LARP1B: variants seen among roughly 807,000 people sequenced by gnomAD.
LARP1B encodes La ribonucleoprotein 1B.
A neutral mutation model predicts 114.2 loss-of-function variants in LARP1B; 76 were observed. The observed-to-expected ratio is 0.67, with a 90% confidence interval of 0.55 to 0.81. LARP1B has a LOEUF of 0.81. Ranked by LOEUF, LARP1B falls within the 30% of genes least tolerant of loss-of-function variation. The probability of loss-of-function intolerance (pLI) is 0.00; values close to 1 mark genes in which losing one functional copy is unlikely to be tolerated. For missense variants in LARP1B, 1,014 were observed against 1,075.8 expected (o/e 0.94, Z 0.80); for synonymous variants, 345 against 348.0 (o/e 0.99, Z 0.10).
chr4:128,197,880 CTTTT>C (rs35888649), intron 15 of LARP1B, among the ~76,000 whole-genome samples: 7 of 86,986 alleles, frequency 8.0e-5, no homozygotes, highest in African/African-American at 1.7e-4. Flanking sequence ...ACGATTGTAG[CTTTT>C]TTTTTTTTTT....
At chr4:128,069,773 A>G (rs1330559376) in intron 1 of LARP1B, among the ~76,000 whole-genome samples, 1 of 152,124 alleles carries the variant, frequency 6.6e-6, no homozygotes, top group Non-Finnish European at 1.5e-5. Context: ...TCATAACAAT[A>G]TGATGTTTAA....
intron 1 of LARP1B, among the ~76,000 whole-genome samples, chr4:128,064,271 C>CA (rs10679400): frequency 2.8e-4 from 22 of 79,562 alleles, no homozygotes; most frequent in Middle Eastern, 0.012. Flanking sequence ...GACTCAGTCT[C>CA]AAAAAAAAAA....
intron 11 of LARP1B, among the ~76,000 whole-genome samples, chr4:128,135,281 A>G (rs978602478): frequency 6.6e-6 from 1 of 152,190 alleles, no homozygotes; most frequent in Non-Finnish European, 1.5e-5. Context: ...AATAGTTGTT[A>G]ACAAGGATTT....
At chr4:128,199,233 T>G (rs1022086618) in intron 15 of LARP1B, among the ~76,000 whole-genome samples, 2 of 152,254 alleles carry the variant, frequency 1.3e-5, no homozygotes, top group Admixed American at 1.3e-4. Context: ...GACCATGCTT[T>G]TTATCAGCTT....
intron 3 of LARP1B, among the ~76,000 whole-genome samples, chr4:128,075,574 G>T (rs550660654): frequency 4.7e-5 from 7 of 149,700 alleles, no homozygotes; most frequent in Admixed American, 2.7e-4. Context: ...TTGAGATAGG[G>T]TCTCACTCCA....
intron 5 of LARP1B, among the ~76,000 whole-genome samples, chr4:128,083,167 A>G: frequency 6.6e-6 from 1 of 152,238 alleles, no homozygotes; most frequent in African/African-American, 2.4e-5. Context: ...CCAAGGCAGA[A>G]GAATTTATCT....
chr4:128,107,909 T>C (rs1395213353), intron 9 of LARP1B: 1 of 1,535,982 alleles, frequency 6.5e-7, no homozygotes, highest in Non-Finnish European at 8.7e-7. Context: ...CTGAAGCTCT[T>C]GGATGTCATT....
At chr4:128,093,533 G>A (rs113672012) in intron 7 of LARP1B, among the ~76,000 whole-genome samples, 25 of 151,768 alleles carry the variant, frequency 1.6e-4, no homozygotes, top group East Asian at 2.0e-4. Flanking sequence ...GAGGCAGAGC[G>A]TGCAGTGAGC....
chr4:128,120,854 A>G (rs1166594955), intron 10 of LARP1B, among the ~76,000 whole-genome samples: 2 of 142,222 alleles, frequency 1.4e-5, no homozygotes, highest in Non-Finnish European at 3.0e-5. Context: ...TCTGTCTCCC[A>G]GGCTGGAGTC....
rs1302539551 is a variant in LARP1B, at chr4:128,077,910, T to G, written c.165T>G (p.Pro55=). The G allele has an allele frequency of 6.2e-7, 1 of 1,613,492 alleles. No individual in the cohort carries two copies. The highest frequency in any genetic ancestry group is 2.2e-5 in the East Asian group (1 of 44,860). The change falls in exon 4 of 20, where the codon CCT becomes CCG. Residue 55 remains proline, a synonymous_variant. Transcript: ENST00000326639. Reference sequence around the variant, plus strand: ...ACCGGGAAACAAAATTAAATGGTCCTGGTGAAAACGTCAGTGAGGATGAGG... The same window carrying G: ...ACCGGGAAACAAAATTAAATGGTCCGGGTGAAAACGTCAGTGAGGATGAGG... ...KENRETKLNG[P]GENVSEDEAQ...
chr4:128,084,737 C>T (rs1772710639), intron 5 of LARP1B, among the ~76,000 whole-genome samples: 1 of 144,348 alleles, frequency 6.9e-6, no homozygotes, highest in African/African-American at 2.9e-5. Context: ...ATTGAAGATA[C>T]TAACTTTGAT....
intron 11 of LARP1B, among the ~76,000 whole-genome samples, chr4:128,140,627 T>C (rs1727581841): frequency 6.6e-6 from 1 of 152,228 alleles, no homozygotes; most frequent in Admixed American, 6.5e-5. Context: ...TGGTAGTTGT[T>C]ACATGAATGC....
In LARP1B at chr4:128,211,601, G is replaced by A; in HGVS notation, c.*1548G>A. 1 of 959,736 alleles carries A rather than the reference G, an allele frequency of 1.0e-6. No homozygotes were observed. The highest frequency in any genetic ancestry group is 1.1e-4 in the East Asian group (1 of 8,702). 59.5% of individuals were successfully genotyped at this position (959,736 alleles called of 1,614,324 possible). A position where few individuals can be genotyped will look rare whatever the true frequency, so the allele number is the denominator to read the frequency against. On this transcript the variant is annotated 3_prime_UTR_variant, in exon 20 of 20. Transcript: ENST00000326639. ...TAAAGAGGGTGCAAAACAAGCAATG[G>A]GTTAGAATAATAGATCTTCAAGTCT...
At chr4:128,169,241 A>G (rs902577093) in intron 12 of LARP1B, among the ~76,000 whole-genome samples, 1 of 151,124 alleles carries the variant, frequency 6.6e-6, no homozygotes, top group Non-Finnish European at 1.5e-5. Context: ...AGGTTTATTA[A>G]TTTTTGCTCC....
chr4:128,065,193 C>CATTGTGTAGTA (rs1761904770), intron 1 of LARP1B, among the ~76,000 whole-genome samples: 2 of 150,968 alleles, frequency 1.3e-5, no homozygotes, highest in East Asian at 1.9e-4. Flanking sequence ...TCAGACCTGG[C>CATTGTGTAGTA]ATAGTGTAGT....
At chr4:128,067,589 C>T (rs1763492329) in intron 1 of LARP1B, among the ~76,000 whole-genome samples, 1 of 152,198 alleles carries the variant, frequency 6.6e-6, no homozygotes, top group African/African-American at 2.4e-5. Flanking sequence ...AGATGAGGCA[C>T]TCTTCAGCCA....
chr4:128,071,918 ATAT>A (rs1561047690), intron 1 of LARP1B, among the ~76,000 whole-genome samples: 1 of 152,102 alleles, frequency 6.6e-6, no homozygotes, highest in African/African-American at 2.4e-5. Flanking sequence ...CCTTAAAAAT[ATAT>A]TATTTTCTTT....
chr4:128,185,215 A>G (rs1236701304), intron 15 of LARP1B, among the ~76,000 whole-genome samples: 1 of 152,156 alleles, frequency 6.6e-6, no homozygotes, highest in Non-Finnish European at 1.5e-5. Context: ...TCTGGATCAT[A>G]TGGTAGTTCT....
chr4:128,169,199 T>G lies in LARP1B; in HGVS notation c.1648+6882T>G, dbSNP rs193160628. Among the ~76,000 whole-genome samples the G allele has an allele frequency of 2.7e-3, 410 of 152,144 alleles. 3 individuals carry two copies. The highest frequency in any genetic ancestry group is 9.4e-3 in the African/African-American group (391 of 41,568). On this transcript the variant is annotated intron_variant, in intron 12 of 19. Transcript: ENST00000326639. ...TTCATCAGTTTAATTTTTTTAAGTT[T>G]TATTTTCATTGATTTACTTTATTTT...
Sources: allele counts gnomAD v4.1 joint callset (sites outside exome capture counted in the v4.1 genomes callset), GRCh38; gene constraint gnomAD v4.1.1; transcripts MANE v1.5; gene names NCBI Gene and HGNC (gene_info 2026-07-23, HGNC 2026-07-21).